Variants in COL25A1 observed in about 807,000 individuals in gnomAD.
COL25A1 encodes the protein collagen type XXV alpha 1 chain, also known as collagen alpha-1(XXV) chain.
A neutral mutation model predicts 128.4 loss-of-function variants in COL25A1; 103 were observed. That is an observed-to-expected ratio of 0.80 (90% CI 0.68 to 0.94). The LOEUF (loss-of-function observed/expected upper bound fraction) is 0.94. Ranked by LOEUF, COL25A1 falls within the 40% of genes least tolerant of loss-of-function variation. The pLI is 0.00. For missense variants in COL25A1, 745 were observed against 840.0 expected (o/e 0.89, Z 1.40); for synonymous variants, 279 against 277.2 (o/e 1.01, Z -0.06).
At position 108,862,512 on chromosome 4, in the gene COL25A1, T is replaced by C; in HGVS notation, c.1186A>G (p.Lys396Glu). ...KQGESGTRGP[K>E]GSKGDRGEKG... ...ATCTGGTTACTGACCTTTGACCCCT[T>C]TGGGCCTCTAGTTCCTGATTCACCT... Residue 396 changes from lysine (K) to glutamate (E), a missense_variant, in exon 22 of 38, where the codon AAG (lysine) becomes GAG (glutamate). Coordinates refer to ENST00000399132, the MANE Select transcript of COL25A1 (RefSeq NM_198721.4). 6.2e-7 allele frequency: 1 copy of C among 1,611,846 alleles called. No homozygotes were observed. The highest frequency in any genetic ancestry group is 8.5e-7 in the Non-Finnish European group (1 of 1,178,002).
chr4:108,970,493 TG>T (rs1751794906), intron 8 of COL25A1, among the ~76,000 whole-genome samples: 1 of 152,222 alleles, frequency 6.6e-6, no homozygotes, highest in Non-Finnish European at 1.5e-5. Context: ...TTTTGAAATA[TG>T]TATACATCAT....
chr4:109,151,163 C>T (rs1052846564), intron 3 of COL25A1, among the ~76,000 whole-genome samples: 2 of 152,064 alleles, frequency 1.3e-5, no homozygotes, highest in Admixed American at 6.5e-5. Flanking sequence ...ACCTAAATTG[C>T]ATGCTTTAAA....
intron 13 of COL25A1, among the ~76,000 whole-genome samples, chr4:108,913,258 C>T (rs1231581996): frequency 1.5e-5 from 1 of 65,806 alleles, no homozygotes; most frequent in African/African-American, 3.5e-5. Context: ...CTGTCTCTAG[C>T]TCCTTTTTTT....
chr4:109,003,404 G>A (rs1209955514), intron 6 of COL25A1, among the ~76,000 whole-genome samples: 3 of 152,256 alleles, frequency 2.0e-5, no homozygotes, highest in African/African-American at 7.2e-5. Flanking sequence ...TTGTTGAGTA[G>A]TTAATTGAAT....
intron 24 of COL25A1, among the ~76,000 whole-genome samples, chr4:108,855,385 T>TG (rs144378114): frequency 0.038 from 5,749 of 151,414 alleles, 155 homozygotes; most frequent in Non-Finnish European, 0.061. Context: ...CTACTTTTTT[T>TG]TTGTTGTTCC....
rs1444174659 is a variant in COL25A1, at chr4:108,809,539, GTCT to G, written c.*4385_*4387del. On this transcript the variant is annotated 3_prime_UTR_variant, in exon 38 of 38. Transcript: ENST00000399132. The stretch of plus-strand genomic sequence containing the variant: ...ACACATAACGGTTTAGGTTGAAAAA[GTCT>G]TCTTATGCCCAAAAGGACGGTTCTT... 1 of 149,858 alleles carries G rather than the reference GTCT, an allele frequency of 6.7e-6. No individual in the cohort carries two copies. Among genetic ancestry groups the G allele is most frequent in the East Asian group, 2.0e-4 (1 of 5,100 alleles). The allele number at this position is 149,858 out of a possible 1,614,324, so 9.3% of individuals were successfully genotyped here.
chr4:109,129,336 T>C (rs1768942732), intron 3 of COL25A1, among the ~76,000 whole-genome samples: 1 of 151,844 alleles, frequency 6.6e-6, no homozygotes, highest in Admixed American at 6.6e-5. Flanking sequence ...TCCATATTGG[T>C]CAGGCTGGTC....
intron 31 of COL25A1, among the ~76,000 whole-genome samples, chr4:108,839,964 G>A (rs990480199): frequency 6.6e-5 from 10 of 151,976 alleles, no homozygotes; most frequent in African/African-American, 9.7e-5. Context: ...GAGTAGGGCC[G>A]GGCGCAGTGG....
At chr4:108,858,301 T>C (rs1736757072) in intron 24 of COL25A1, among the ~76,000 whole-genome samples, 1 of 152,064 alleles carries the variant, frequency 6.6e-6, no homozygotes, top group African/African-American at 2.4e-5. Context: ...CAGGAGGCAC[T>C]AGGGAAAGAG....
intron 19 of COL25A1, 60 bp downstream of exon 19, chr4:108,884,118 A>G (rs757537653): frequency 1.2e-5 from 18 of 1,540,646 alleles, no homozygotes; most frequent in Admixed American, 1.7e-5. Context: ...TTTTCCTCCA[A>G]TTTGGGTGAA....
intron 3 of COL25A1, among the ~76,000 whole-genome samples, chr4:109,142,472 T>G (rs987544214): frequency 5.3e-5 from 8 of 152,148 alleles, no homozygotes; most frequent in Non-Finnish European, 1.2e-4. Flanking sequence ...TGAATATCCT[T>G]GTTAATTTTC....
chr4:109,057,715 T>C (rs1001014907), intron 3 of COL25A1, among the ~76,000 whole-genome samples: 8 of 152,154 alleles, frequency 5.3e-5, no homozygotes, highest in African/African-American at 1.2e-4. Flanking sequence ...TTTAAACTGG[T>C]TGAGTTTCTA....
At chr4:108,863,848 G>A (rs543402921) in intron 20 of COL25A1, among the ~76,000 whole-genome samples, 1 of 152,256 alleles carries the variant, frequency 6.6e-6, no homozygotes, top group African/African-American at 2.4e-5. Flanking sequence ...TTTGGATTTT[G>A]GGACTTGTAC....
At chr4:109,301,649 G>A in intron 2 of COL25A1, 74 bp downstream of exon 2, 1 of 1,516,244 alleles carries the variant, frequency 6.6e-7, no homozygotes, top group Non-Finnish European at 9.0e-7. Flanking sequence ...AGTAAGGGTA[G>A]CGGCTAGTCA....
intron 3 of COL25A1, among the ~76,000 whole-genome samples, chr4:109,091,676 T>C (rs1357605841): frequency 6.6e-6 from 1 of 152,054 alleles, no homozygotes; most frequent in Non-Finnish European, 1.5e-5. Flanking sequence ...AGTTCTTCCC[T>C]TTCTGCTTAC....
At chr4:109,196,348 A>G (rs1269857435) in intron 3 of COL25A1, among the ~76,000 whole-genome samples, 4 of 152,224 alleles carry the variant, frequency 2.6e-5, no homozygotes, top group Non-Finnish European at 5.9e-5. Flanking sequence ...TTTATAGTGT[A>G]TGAGAGAATA....
At chr4:108,855,972 T>A (rs1736445765) in intron 24 of COL25A1, among the ~76,000 whole-genome samples, 1 of 152,164 alleles carries the variant, frequency 6.6e-6, no homozygotes, top group Non-Finnish European at 1.5e-5. Context: ...AAAGTCAGAA[T>A]TTTTGGTGGT....
At chr4:109,241,769 C>G (rs1156746986) in intron 3 of COL25A1, among the ~76,000 whole-genome samples, 2 of 152,038 alleles carry the variant, frequency 1.3e-5, no homozygotes, top group Non-Finnish European at 2.9e-5. Flanking sequence ...ATTTACAACA[C>G]AGGAAACATT....
intron 8 of COL25A1, among the ~76,000 whole-genome samples, chr4:108,964,297 G>A (rs1751062093): frequency 6.6e-6 from 1 of 151,650 alleles, no homozygotes; most frequent in Non-Finnish European, 1.5e-5. Context: ...CTTTGGTTTT[G>A]ATTTTAATAT....
Sources: gnomAD v4.1 joint callset for allele counts (sites outside exome capture counted in the v4.1 genomes callset) on GRCh38, gnomAD v4.1.1 for gene constraint, MANE v1.5 for transcripts, NCBI Gene and HGNC (gene_info 2026-07-23, HGNC 2026-07-21) for gene names.